Variants in TBL1XR1 observed in about 807,000 individuals in gnomAD.
TBL1XR1 encodes TBL1X/Y related 1, also known as F-box-like/WD repeat-containing protein TBL1XR1.
A neutral mutation model predicts 66.9 loss-of-function variants in TBL1XR1; 5 were observed. That is an observed-to-expected ratio of 0.07 (90% confidence interval 0.04 to 0.16). The LOEUF (loss-of-function observed/expected upper bound fraction) is 0.16. TBL1XR1 is among the 10% of genes least tolerant of loss of function. The probability of loss-of-function intolerance (pLI) is 1.00; values close to 1 mark genes in which losing one functional copy is unlikely to be tolerated. For missense variants in TBL1XR1, 238 were observed against 623.2 expected, an observed-to-expected ratio of 0.38 and a Z score of 6.58; for synonymous variants, 210 against 206.0, an observed-to-expected ratio of 1.02 and a Z score of -0.17.
chr3:177,104,291 T>G (rs898641233), intron 1 of TBL1XR1, among the ~76,000 whole-genome samples: 4 of 152,116 alleles, frequency 2.6e-5, no homozygotes, highest in Non-Finnish European at 4.4e-5. Flanking sequence ...CAGTATTACC[T>G]CCTAATGGAA....
chr3:177,075,876 G>A lies in TBL1XR1; in HGVS notation c.-45-10854C>T, dbSNP rs186754076. On this transcript the variant is annotated intron_variant, in intron 2 of 15. Coordinates refer to ENST00000457928, the MANE Select transcript of TBL1XR1 (RefSeq NM_024665.7). The stretch of plus-strand genomic sequence containing the variant: ...CCAAAATCAAGGTGTTCACAGGGCC[G>A]CATTCCCTCTGAAGGTGTGCTAAGG... Among the ~76,000 whole-genome samples, 519 of 152,228 alleles carry A rather than the reference G, an allele frequency of 3.4e-3. 2 individuals are homozygous for A. The Middle Eastern group carries it at 0.037, about 11-fold the overall frequency.
Position 177,020,138 on chromosome 3 carries a change from T to C in TBL1XR1, c.*5360A>G, listed in dbSNP as rs1290096634. ...GCTAAGAGAGAAAATGATTCAACTA[T>C]AATTGGCTTGTTGTGAAGCAAAAAA... On this transcript the variant is annotated 3_prime_UTR_variant, in exon 16 of 16. Transcript: ENST00000457928. 1 of 152,120 alleles carries C rather than the reference T, an allele frequency of 6.6e-6. No individual in the cohort carries two copies. The highest frequency in any genetic ancestry group is 6.5e-5 in the Admixed American group (1 of 15,276). 9.4% of individuals were successfully genotyped at this position (152,120 alleles called of 1,614,324 possible).
At chr3:177,164,508 C>A (rs1732591845) in intron 1 of TBL1XR1, among the ~76,000 whole-genome samples, 1 of 152,196 alleles carries the variant, frequency 6.6e-6, no homozygotes, top group East Asian at 1.9e-4. Context: ...TGCCACCATA[C>A]CTGGCTAATT....
intron 1 of TBL1XR1, among the ~76,000 whole-genome samples, chr3:177,140,404 C>T (rs965190245): frequency 1.3e-5 from 2 of 152,226 alleles, no homozygotes; most frequent in Admixed American, 6.5e-5. Context: ...GCCTTTGCTA[C>T]AAGCAGTCTC....
chr3:177,127,979 G>T (rs1290008807), intron 1 of TBL1XR1, among the ~76,000 whole-genome samples: 1 of 152,178 alleles, frequency 6.6e-6, no homozygotes, highest in Non-Finnish European at 1.5e-5. Context: ...AGCACTTTGG[G>T]AGTCCGAAGC....
chr3:177,042,916 A>T (rs1715794667), intron 10 of TBL1XR1, among the ~76,000 whole-genome samples: 1 of 152,120 alleles, frequency 6.6e-6, no homozygotes, highest in African/African-American at 2.4e-5. Flanking sequence ...TTATTTTTAA[A>T]AAAAAAAGCC....
At position 177,042,586 on chromosome 3, in the gene TBL1XR1, C is replaced by T. The variant is rs114632369; in HGVS notation, c.925+3543G>A. On this transcript the variant is annotated intron_variant, in intron 10 of 15. Coordinates refer to ENST00000457928, the MANE Select transcript of TBL1XR1 (RefSeq NM_024665.7). The stretch of plus-strand genomic sequence containing the variant: ...TGATGTAATCAAAGAACACATACCT[C>T]CTTATTTTATATTTACTCTTAAAAT... 5.2e-3 allele frequency among the ~76,000 whole-genome samples: 795 copies of T among 152,098 alleles called. 12 individuals are homozygous for T. The highest frequency in any genetic ancestry group is 0.019 in the African/African-American group (768 of 41,504).
intron 1 of TBL1XR1, among the ~76,000 whole-genome samples, chr3:177,123,550 A>G (rs1727242683): frequency 6.6e-6 from 1 of 150,680 alleles, no homozygotes; most frequent in Admixed American, 6.6e-5. Context: ...TCTCACTTCA[A>G]AGAAAAAAGA....
At chr3:177,117,084 A>G (rs13321619) in intron 1 of TBL1XR1, among the ~76,000 whole-genome samples, 10,708 of 152,310 alleles carry the variant, frequency 0.07, 426 homozygotes, top group Middle Eastern at 0.095. Flanking sequence ...AATACTGAAT[A>G]TAAATGAGAA....
chr3:177,157,651 A>G (rs570071126), intron 1 of TBL1XR1, among the ~76,000 whole-genome samples: 3 of 152,278 alleles, frequency 2.0e-5, no homozygotes, highest in East Asian at 3.9e-4. Flanking sequence ...GAATTAGAGT[A>G]TGGATGTCTT....
At chr3:177,066,882 T>C (rs911304271) in intron 2 of TBL1XR1, among the ~76,000 whole-genome samples, 3 of 152,158 alleles carry the variant, frequency 2.0e-5, no homozygotes, top group African/African-American at 4.8e-5. Context: ...AATTACAATA[T>C]CTTCATCTAA....
intron 1 of TBL1XR1, among the ~76,000 whole-genome samples, chr3:177,127,284 GA>G (rs1048220851): frequency 2.6e-5 from 4 of 152,056 alleles, no homozygotes; most frequent in African/African-American, 9.7e-5. Context: ...AAACAGCACA[GA>G]ATTGCAACAT....
chr3:177,059,603 G>GA (rs971683925), intron 3 of TBL1XR1, among the ~76,000 whole-genome samples: 2 of 152,042 alleles, frequency 1.3e-5, no homozygotes, highest in African/African-American at 4.8e-5. Flanking sequence ...AAGTTAGGGG[G>GA]AAAAAATGGA....
At chr3:177,119,101 A>G (rs1312740427) in intron 1 of TBL1XR1, among the ~76,000 whole-genome samples, 2 of 152,084 alleles carry the variant, frequency 1.3e-5, no homozygotes, top group Admixed American at 1.3e-4. Context: ...CATCACGGGT[A>G]GCTGGGATTA....
chr3:177,132,369 A>G (rs531804929), intron 1 of TBL1XR1, among the ~76,000 whole-genome samples: 1 of 152,204 alleles, frequency 6.6e-6, no homozygotes, highest in Non-Finnish European at 1.5e-5. Context: ...TAGCTCCTTC[A>G]GGTCCACTGA....
intron 1 of TBL1XR1, among the ~76,000 whole-genome samples, chr3:177,191,750 C>T (rs1736167158): frequency 6.6e-6 from 1 of 152,196 alleles, no homozygotes; most frequent in African/African-American, 2.4e-5. Context: ...GTAATCACTA[C>T]AGCCTAAAAG....
chr3:177,146,489 A>G (rs1730261322), intron 1 of TBL1XR1, among the ~76,000 whole-genome samples: 1 of 147,832 alleles, frequency 6.8e-6, no homozygotes, highest in Admixed American at 6.9e-5. Flanking sequence ...GGGTTTCACC[A>G]TGTTGGCCAG....
intron 2 of TBL1XR1, among the ~76,000 whole-genome samples, chr3:177,077,217 A>G (rs576923134): frequency 6.6e-6 from 1 of 152,240 alleles, no homozygotes; most frequent in Non-Finnish European, 1.5e-5. Flanking sequence ...CTAAGAACTA[A>G]AAAGAACCAC....
intron 1 of TBL1XR1, among the ~76,000 whole-genome samples, chr3:177,160,526 T>C (rs1013065659): frequency 6.6e-6 from 1 of 150,974 alleles, no homozygotes; most frequent in African/African-American, 2.4e-5. Flanking sequence ...AATCAAATAA[T>C]GTCCAGAACA....
Sources: allele counts gnomAD v4.1 joint callset (sites outside exome capture counted in the v4.1 genomes callset), GRCh38; gene constraint gnomAD v4.1.1; transcripts MANE v1.5; gene names NCBI Gene and HGNC (gene_info 2026-07-23, HGNC 2026-07-21).